FAM13A: variants seen among roughly 807,000 people sequenced by gnomAD.
The protein encoded by FAM13A is family with sequence similarity 13 member A.
A neutral mutation model predicts 129.6 loss-of-function variants in FAM13A; 76 were observed. That is an observed-to-expected ratio of 0.59 (90% CI 0.49 to 0.71). FAM13A has a LOEUF of 0.71. Among genes scored for constraint, FAM13A ranks in the 30% least tolerant of loss-of-function variants. FAM13A has a pLI of 0.00. For synonymous variants in FAM13A, 443 were observed against 449.9 expected (o/e 0.98, Z 0.20); for missense variants, 1,108 against 1,249.3 (o/e 0.89, Z 1.70).
intron 1 of FAM13A, among the ~76,000 whole-genome samples, chr4:89,056,369 AT>A: frequency 6.6e-6 from 1 of 152,292 alleles, no homozygotes; most frequent in East Asian, 1.9e-4. Flanking sequence ...TTTCAGTGTT[AT>A]TTATTAATGC....
chr4:88,956,681 A>G (rs552232326), intron 4 of FAM13A, among the ~76,000 whole-genome samples: 1 of 152,310 alleles, frequency 6.6e-6, no homozygotes, highest in East Asian at 1.9e-4. Flanking sequence ...CAGTAGGCCA[A>G]AAAAGTAGGT....
intron 4 of FAM13A, among the ~76,000 whole-genome samples, chr4:88,971,274 A>G (rs1760051953): frequency 6.6e-6 from 1 of 152,164 alleles, no homozygotes; most frequent in Non-Finnish European, 1.5e-5. Flanking sequence ...AGTTAATAGA[A>G]GGCTACCTTG....
intron 6 of FAM13A, among the ~76,000 whole-genome samples, chr4:88,900,813 T>C (rs769621247): frequency 6.6e-6 from 1 of 152,276 alleles, no homozygotes; most frequent in South Asian, 2.1e-4. Flanking sequence ...ACTTTAAATG[T>C]AAATGGGCTA....
At chr4:88,899,123 T>TAC (rs1302875028) in intron 6 of FAM13A, among the ~76,000 whole-genome samples, 161 of 149,756 alleles carry the variant, frequency 1.1e-3, no homozygotes, top group African/African-American at 3.8e-3. Flanking sequence ...CATATATATA[T>TAC]ATACATACAT....
At chr4:88,952,021 T>C (rs1446988366) in intron 4 of FAM13A, among the ~76,000 whole-genome samples, 2 of 152,228 alleles carry the variant, frequency 1.3e-5, no homozygotes, top group East Asian at 1.9e-4. Flanking sequence ...TTTGTACATA[T>C]ATGGGCAACA....
At chr4:88,813,891 T>C (rs1730151960) in intron 7 of FAM13A, among the ~76,000 whole-genome samples, 1 of 152,196 alleles carries the variant, frequency 6.6e-6, no homozygotes, top group African/African-American at 2.4e-5. Context: ...GGTGCTCATA[T>C]GAGAACATTT....
At position 88,766,423 on chromosome 4, in the gene FAM13A, A is replaced by G. The variant is rs1426055336; in HGVS notation, c.1578+1130T>C. Among the ~76,000 whole-genome samples the G allele has an allele frequency of 1.3e-5, 2 of 152,188 alleles. 1 individual carries two copies. The highest frequency in any genetic ancestry group is 2.9e-5 in the Non-Finnish European group (2 of 68,026). ...TGGCTCAGAAGCTGTGAGGTCAGAA[A>G]GAGGAAGCATTCCCCTCCTATTATC... On this transcript the variant is annotated intron_variant, in intron 13 of 23. Coordinates refer to ENST00000264344, the MANE Select transcript of FAM13A (RefSeq NM_014883.4).
intron 3 of FAM13A, among the ~76,000 whole-genome samples, chr4:89,019,201 C>T (rs1766914605): frequency 6.6e-6 from 1 of 152,122 alleles, no homozygotes; most frequent in Non-Finnish European, 1.5e-5. Flanking sequence ...ATTTCTGGTA[C>T]TTTCTTACTT....
At chr4:88,950,293 T>G (rs1050463361) in intron 4 of FAM13A, among the ~76,000 whole-genome samples, 48 of 151,912 alleles carry the variant, frequency 3.2e-4, no homozygotes, top group African/African-American at 1.1e-3. Context: ...CTTGAACTCC[T>G]AGGCTCAGGC....
intron 19 of FAM13A, among the ~76,000 whole-genome samples, chr4:88,744,741 T>C (rs1740956106): frequency 6.6e-6 from 1 of 152,172 alleles, no homozygotes. Context: ...TCTTTGATTT[T>C]TTTTCAGACT....
At chr4:88,972,118 AT>A (rs201852890) in intron 4 of FAM13A, among the ~76,000 whole-genome samples, 30 of 148,314 alleles carry the variant, frequency 2.0e-4, no homozygotes, top group African/African-American at 5.4e-4. Flanking sequence ...TAAGAAAAAT[AT>A]TTTTTTTTAC....
intron 7 of FAM13A, among the ~76,000 whole-genome samples, chr4:88,810,399 TAA>T (rs954273697): frequency 2.0e-5 from 3 of 152,080 alleles, no homozygotes; most frequent in Admixed American, 6.6e-5. Flanking sequence ...CAAATTAAAA[TAA>T]AGTCATTAAG....
At chr4:89,044,850 A>T (rs1770631509) in intron 1 of FAM13A, among the ~76,000 whole-genome samples, 1 of 152,004 alleles carries the variant, frequency 6.6e-6, no homozygotes, top group Non-Finnish European at 1.5e-5. Context: ...AGTTCCACTA[A>T]TACGAGATAC....
intron 8 of FAM13A, among the ~76,000 whole-genome samples, chr4:88,799,433 T>C (rs971232161): frequency 6.6e-6 from 1 of 151,906 alleles, no homozygotes; most frequent in African/African-American, 2.4e-5. Context: ...GTATGGAAGT[T>C]CCTCAACAAA....
In FAM13A at chr4:88,983,947, A is replaced by T. The variant is rs567137009; in HGVS notation, c.605+7026T>A. 7.4e-4 allele frequency among the ~76,000 whole-genome samples: 112 copies of T among 152,334 alleles called. 1 individual carries two copies. The highest frequency in any genetic ancestry group is 1.0e-3 in the Non-Finnish European group (71 of 68,014). On this transcript the variant is annotated intron_variant, in intron 4 of 23. Coordinates refer to ENST00000264344, the MANE Select transcript of FAM13A (RefSeq NM_014883.4). ...ATCAAAATACTATGGTACTGACATA[A>T]GAATAGATATACAGATCAATGGAAT... is the stretch of plus-strand genomic sequence containing the variant.
At chr4:88,805,951 A>T (rs1728469492) in intron 7 of FAM13A, among the ~76,000 whole-genome samples, 1 of 152,150 alleles carries the variant, frequency 6.6e-6, no homozygotes, top group South Asian at 2.1e-4. Flanking sequence ...TACAAACATG[A>T]GCCACCATGC....
At chr4:89,013,087 A>G (rs1765940311) in intron 3 of FAM13A, among the ~76,000 whole-genome samples, 1 of 151,966 alleles carries the variant, frequency 6.6e-6, no homozygotes, top group African/African-American at 2.4e-5. Flanking sequence ...ATTAAAAGCA[A>G]AACCCATTCA....
chr4:88,928,110 T>C (rs1363717279), intron 5 of FAM13A, among the ~76,000 whole-genome samples: 5 of 152,154 alleles, frequency 3.3e-5, no homozygotes, highest in African/African-American at 9.6e-5. Flanking sequence ...TTCAGGAGCA[T>C]GTTGTTTAAT....
At chr4:88,915,798 GATTA>G (rs896500626) in intron 5 of FAM13A, among the ~76,000 whole-genome samples, 1 of 152,122 alleles carries the variant, frequency 6.6e-6, no homozygotes, top group African/African-American at 2.4e-5. Context: ...CTCAAGAATA[GATTA>G]ATTCATTTGT....
Sources: allele counts gnomAD v4.1 joint callset (sites outside exome capture counted in the v4.1 genomes callset), GRCh38; gene constraint gnomAD v4.1.1; transcripts MANE v1.5; gene names NCBI Gene and HGNC (gene_info 2026-07-23, HGNC 2026-07-21).